The following PFKFB3 variants were observed in gnomAD, a reference collection of about 807,000 sequenced individuals.
PFKFB3 encodes the protein 6-phosphofructo-2-kinase/fructose-2,6-bisphosphatase 3.
PFKFB3 carries 33 observed loss-of-function variants against 68.0 expected under a neutral mutation model. That is an observed-to-expected ratio of 0.49 (90% CI 0.37 to 0.65). The LOEUF (loss-of-function observed/expected upper bound fraction) is 0.65. Among genes scored for constraint, PFKFB3 ranks in the 30% least tolerant of loss-of-function variants. PFKFB3 has a pLI of 0.00. For synonymous variants in PFKFB3, 315 were observed against 288.2 expected, an observed-to-expected ratio of 1.09 and a Z score of -0.94; for missense variants, 586 against 712.2, an observed-to-expected ratio of 0.82 and a Z score of 2.02.
chr10:6,277,521 G>A, the PFKFB3 span, among the ~76,000 whole-genome samples: 4 of 151,974 alleles, frequency 2.6e-5, no homozygotes, highest in Non-Finnish European at 5.9e-5. Flanking sequence ...ACACCCGGCC[G>A]TGGGGGTGGT....
At chr10:6,169,942 G>A (rs557956144) in intron 1 of PFKFB3, among the ~76,000 whole-genome samples, 26 of 152,206 alleles carry the variant, frequency 1.7e-4, no homozygotes, top group Non-Finnish European at 2.9e-4. Context: ...CATTGGGAGT[G>A]CACTGGCCTT....
rs59491432 is a variant in PFKFB3 at position 6,196,128 on chromosome 10, CT to C, written c.17-17481del. Among the ~76,000 whole-genome samples the C allele has an allele frequency of 2.7e-3, 386 of 140,752 alleles. 1 individual carries two copies. Among genetic ancestry groups the C allele is most frequent in the Non-Finnish European group, 3.5e-3 (224 of 64,076 alleles). 92.3% of individuals were successfully genotyped at this position (140,752 alleles called of 152,430 possible). On this transcript the variant is annotated intron_variant, in intron 1 of 14. Coordinates refer to the PFKFB3 transcript ENST00000379789. ...GCAGGGTGCTGCCTCGTGAGCTTGC[CT>C]TTTTTTTTTTTTTCTTTTTTGAGAT...
chr10:6,313,554 C>T, the PFKFB3 span, among the ~76,000 whole-genome samples: 1 of 152,238 alleles, frequency 6.6e-6, no homozygotes, highest in African/African-American at 2.4e-5. The surrounding 1 kb of genome is among the most constrained non-coding windows in gnomAD (Gnocchi z 4.2). Flanking sequence ...CTGCCAGACT[C>T]TTCCGATTCC....
chr10:6,217,471 G>A (rs1844661500), intron 6 of PFKFB3, among the ~76,000 whole-genome samples: 1 of 152,238 alleles, frequency 6.6e-6, no homozygotes, highest in African/African-American at 2.4e-5. Flanking sequence ...TTGGTGGCAG[G>A]AGCCTGACAG....
chr10:6,288,179 C>T, the PFKFB3 span, among the ~76,000 whole-genome samples: 3 of 149,424 alleles, frequency 2.0e-5, no homozygotes, highest in South Asian at 2.1e-4. Context: ...TTTTTTCTTT[C>T]GTCTGGCTTC....
chr10:6,288,002 A>G, the PFKFB3 span, among the ~76,000 whole-genome samples: 1 of 151,922 alleles, frequency 6.6e-6, no homozygotes, highest in African/African-American at 2.4e-5. Context: ...GAGTGTCTTT[A>G]TTTCTCCTTC....
intron 1 of PFKFB3, chr10:6,163,825 C>T (rs1842039210): frequency 6.6e-6 from 1 of 151,934 alleles, no homozygotes; most frequent in South Asian, 2.1e-4. Context: ...GTCGCGCGCC[C>T]TCCCGGCGTG....
upstream of PFKFB3, among the ~76,000 whole-genome samples, chr10:6,198,763 G>A (rs111272094): frequency 0.031 from 4,716 of 152,282 alleles, 213 homozygotes; most frequent in African/African-American, 0.1. Flanking sequence ...GATTACAGGC[G>A]TGAGCCACCA....
the PFKFB3 span, among the ~76,000 whole-genome samples, chr10:6,266,090 G>T: frequency 1.3e-5 from 2 of 151,794 alleles, no homozygotes; most frequent in African/African-American, 4.8e-5. Flanking sequence ...AAATTTTTTT[G>T]TAGAGACAAG....
the PFKFB3 span, among the ~76,000 whole-genome samples, chr10:6,261,367 G>C: frequency 6.6e-6 from 1 of 152,196 alleles, no homozygotes; most frequent in Non-Finnish European, 1.5e-5. Flanking sequence ...ATGAGATCAT[G>C]TCTTTTGCAG....
At chr10:6,182,355 C>A (rs903420934) in intron 1 of PFKFB3, among the ~76,000 whole-genome samples, 5 of 152,156 alleles carry the variant, frequency 3.3e-5, no homozygotes, top group Admixed American at 1.3e-4. Context: ...GGAGACCTCC[C>A]CACTGCAGCA....
chr10:6,271,913 C>T, the PFKFB3 span, among the ~76,000 whole-genome samples: 5 of 152,148 alleles, frequency 3.3e-5, no homozygotes, highest in African/African-American at 9.7e-5. Context: ...AATAGGCTAT[C>T]AGAGGGTGGG....
chr10:6,313,730 T>G, the PFKFB3 span, among the ~76,000 whole-genome samples: 2 of 152,214 alleles, frequency 1.3e-5, no homozygotes, highest in Non-Finnish European at 2.9e-5. The surrounding 1 kb of genome is among the most constrained non-coding windows in gnomAD (Gnocchi z 4.2). Context: ...GTGTCTCCAG[T>G]TCCCAGCCTA....
At chr10:6,163,004 A>T (rs1842011137) in intron 1 of PFKFB3, among the ~76,000 whole-genome samples, 1 of 152,222 alleles carries the variant, frequency 6.6e-6, no homozygotes. Context: ...ATTCCAGTCC[A>T]GCAGCACAGA....
downstream of PFKFB3, among the ~76,000 whole-genome samples, chr10:6,237,722 C>T (rs144247345): frequency 2.3e-3 from 352 of 152,278 alleles, 1 homozygote; most frequent in African/African-American, 8.0e-3. Context: ...TGTGCCACCA[C>T]GCCCAACTAA....
At chr10:6,160,066 C>CT (rs142934669) in intron 1 of PFKFB3, among the ~76,000 whole-genome samples, 36,430 of 151,858 alleles carry the variant, frequency 0.24, 4,530 homozygotes, top group Non-Finnish European at 0.27. Flanking sequence ...GCCTACGATA[C>CT]TTTTTAAAAT....
chr10:6,286,780 T>C, the PFKFB3 span, among the ~76,000 whole-genome samples: 22 of 152,282 alleles, frequency 1.4e-4, 1 homozygote, highest in South Asian at 2.1e-4. Flanking sequence ...TTGTATTGAT[T>C]GCCTCATTGT....
intron 10 of PFKFB3, 51 bp downstream of exon 10, chr10:6,221,796 C>T (rs972832390): frequency 3.2e-6 from 4 of 1,252,922 alleles, no homozygotes; most frequent in Non-Finnish European, 4.5e-6. Context: ...ATGACCACTG[C>T]TGTGCAGGGC....
rs114004097 is a variant in PFKFB3 at position 6,180,458 on chromosome 10, G to C, written c.17-33165G>C. On this transcript the variant is annotated intron_variant, in intron 1 of 14. Coordinates refer to the PFKFB3 transcript ENST00000379789. ...CAAGTTTTTTCTTTTCTTTCCTTTGGTTTTGTTGCTGTTTTGTTTTGTTTT... is the reference window on the plus strand; with the variant it reads ...CAAGTTTTTTCTTTTCTTTCCTTTGCTTTTGTTGCTGTTTTGTTTTGTTTT... Among the ~76,000 whole-genome samples, 994 of 152,132 alleles carry C rather than the reference G, an allele frequency of 6.5e-3. 19 individuals carry two copies. The highest frequency in any genetic ancestry group is 0.023 in the African/African-American group (944 of 41,500).
Sources: gnomAD v4.1 joint callset for allele counts (sites outside exome capture counted in the v4.1 genomes callset) on GRCh38, gnomAD v4.1.1 for gene constraint, Gnocchi (gnomAD v3.1) non-coding constraint, MANE v1.5 for transcripts, NCBI Gene and HGNC (gene_info 2026-07-23, HGNC 2026-07-21) for gene names.